Variants in TBCA observed in about 807,000 individuals in gnomAD.
TBCA encodes tubulin-specific chaperone A.
A neutral mutation model predicts 15.8 loss-of-function variants in TBCA; 6 were observed. The ratio of observed to expected loss-of-function variants is 0.38; its 90% CI spans 0.21 to 0.75. The LOEUF (loss-of-function observed/expected upper bound fraction) is 0.75. TBCA is among the 30% of genes least tolerant of loss of function. The pLI, the probability that TBCA is intolerant of heterozygous loss-of-function variation, is 0.46. For missense variants in TBCA, 90 were observed against 131.2 expected, an observed-to-expected ratio of 0.69 and a Z score of 1.53; for synonymous variants, 32 against 42.3, an observed-to-expected ratio of 0.76 and a Z score of 0.94.
chr5:77,776,189 G>T lies in TBCA; in HGVS notation c.53+16C>A. On this transcript the variant is annotated intron_variant, in intron 1 of 3. Transcript: ENST00000380377. ...TGACGAAGAGGAGGTGCAGGGCGCC[G>T]CTCCCGGCTCCTTACCGCTTCACCA... 1 of 1,556,810 alleles carries T rather than the reference G, an allele frequency of 6.4e-7. No individual in the cohort carries two copies. The highest frequency in any genetic ancestry group is 1.2e-5 in the South Asian group (1 of 84,390).
chr5:77,697,523 C>T (rs1745898819), intron 2 of TBCA, among the ~76,000 whole-genome samples: 1 of 151,598 alleles, frequency 6.6e-6, no homozygotes, highest in Non-Finnish European at 1.5e-5. Context: ...TTTAAGTAGC[C>T]CATGGGCCAA....
At chr5:77,731,749 A>G (rs1377400179) in intron 1 of TBCA, among the ~76,000 whole-genome samples, 1 of 152,138 alleles carries the variant, frequency 6.6e-6, no homozygotes, top group African/African-American at 2.4e-5. Flanking sequence ...ATTTTATAAT[A>G]TCTATATAAT....
chr5:77,693,200 C>T (rs750730909), intron 3 of TBCA, 66 bp downstream of exon 3: 2 of 1,581,912 alleles, frequency 1.3e-6, no homozygotes, highest in African/African-American at 2.7e-5. Context: ...AATATTTAAA[C>T]TTTTGGCTTT....
intron 1 of TBCA, among the ~76,000 whole-genome samples, chr5:77,720,443 G>A (rs900062972): frequency 6.6e-6 from 1 of 152,224 alleles, no homozygotes; most frequent in African/African-American, 2.4e-5. Flanking sequence ...GCCAGGCGCG[G>A]TGGCTCTCGC....
chr5:77,727,213 GGAGACACA>G (rs1409487171), intron 1 of TBCA, among the ~76,000 whole-genome samples: 1 of 142,724 alleles, frequency 7.0e-6, no homozygotes, highest in African/African-American at 2.6e-5. Flanking sequence ...CTCCAACCTG[GGAGACACA>G]GTGAGACTCT....
chr5:77,726,116 T>TA (rs1345593351), intron 1 of TBCA, among the ~76,000 whole-genome samples: 3 of 152,192 alleles, frequency 2.0e-5, no homozygotes, highest in Non-Finnish European at 4.4e-5. Flanking sequence ...AAAACTAAAT[T>TA]ACTGTTGTCA....
chr5:77,774,968 A>C (rs1207472427), intron 1 of TBCA, among the ~76,000 whole-genome samples: 7 of 116,024 alleles, frequency 6.0e-5, no homozygotes, highest in Non-Finnish European at 9.1e-5. Flanking sequence ...TGAATAAGAT[A>C]GCTACAAAGA....
intron 2 of TBCA, among the ~76,000 whole-genome samples, chr5:77,701,965 C>T (rs1746029717): frequency 6.6e-6 from 1 of 151,688 alleles, no homozygotes; most frequent in East Asian, 1.9e-4. Flanking sequence ...TATGTTCTCA[C>T]TTATAAGTGG....
intron 1 of TBCA, among the ~76,000 whole-genome samples, chr5:77,720,309 T>C (rs1317962952): frequency 6.6e-6 from 1 of 152,178 alleles, no homozygotes; most frequent in Non-Finnish European, 1.5e-5. Context: ...AGTGAGACTA[T>C]ACAATTACTA....
At chr5:77,729,714 C>T (rs1488972246) in intron 1 of TBCA, among the ~76,000 whole-genome samples, 2 of 152,206 alleles carry the variant, frequency 1.3e-5, no homozygotes, top group East Asian at 3.8e-4. Flanking sequence ...TTCCTGTCCC[C>T]TGGACAGCAC....
intron 1 of TBCA, among the ~76,000 whole-genome samples, chr5:77,758,512 G>A (rs1336861205): frequency 6.6e-6 from 1 of 152,222 alleles, no homozygotes; most frequent in Non-Finnish European, 1.5e-5. Context: ...CACTCGGAGA[G>A]CTCGGATTTT....
chr5:77,712,615 G>A (rs1287850667), intron 1 of TBCA, among the ~76,000 whole-genome samples: 2 of 151,916 alleles, frequency 1.3e-5, no homozygotes, highest in Non-Finnish European at 2.9e-5. Context: ...AATCACTACA[G>A]ATTCAAAATA....
At chr5:77,706,174 G>A (rs17789844) in intron 2 of TBCA, among the ~76,000 whole-genome samples, 13,328 of 152,178 alleles carry the variant, frequency 0.088, 768 homozygotes, top group Non-Finnish European at 0.12. Flanking sequence ...ATTATGCCAC[G>A]ATTTACATGG....
intron 1 of TBCA, among the ~76,000 whole-genome samples, chr5:77,748,373 G>A (rs936181058): frequency 6.6e-6 from 1 of 151,234 alleles, no homozygotes; most frequent in African/African-American, 2.4e-5. Context: ...TGTGGAGAGA[G>A]AGATATGGAG....
At chr5:77,752,235 T>A (rs569760548) in intron 1 of TBCA, among the ~76,000 whole-genome samples, 1 of 152,350 alleles carries the variant, frequency 6.6e-6, no homozygotes, top group East Asian at 1.9e-4. Flanking sequence ...TTATACCATA[T>A]GGTTTAATAG....
intron 3 of TBCA, chr5:77,692,994 G>A (rs2112416947): frequency 7.2e-7 from 1 of 1,386,384 alleles, no homozygotes; most frequent in East Asian, 2.7e-5. Flanking sequence ...AGACATTGCT[G>A]GACAATACTG....
chr5:77,774,977 G>T (rs1451322267), intron 1 of TBCA, among the ~76,000 whole-genome samples: 1 of 44,462 alleles, frequency 2.2e-5, no homozygotes, highest in East Asian at 4.1e-4. Context: ...TAGCTACAAA[G>T]ATTAAAAAAA....
chr5:77,714,381 A>C (rs905832565), intron 1 of TBCA, among the ~76,000 whole-genome samples: 4 of 152,088 alleles, frequency 2.6e-5, no homozygotes, highest in African/African-American at 9.7e-5. Context: ...TCAAAAAGAG[A>C]ATAGGTCATC....
Position 77,721,690 on chromosome 5 carries a change from T to C in TBCA, c.54-13343A>G, listed in dbSNP as rs148716628. Among the ~76,000 whole-genome samples the C allele has an allele frequency of 3.8e-3, 585 of 152,232 alleles. 4 individuals are homozygous for C. The highest frequency in any genetic ancestry group is 0.012 in the African/African-American group (495 of 41,564). On this transcript the variant is annotated intron_variant, in intron 1 of 3. Coordinates refer to ENST00000380377, the MANE Select transcript of TBCA (RefSeq NM_004607.3). ...ATTACTTTTAAATAAAATTTGGTAA[T>C]AGTACTTGGCATAGAGCTGTACTTG...
Sources: gnomAD v4.1 joint callset for allele counts (sites outside exome capture counted in the v4.1 genomes callset) on GRCh38, gnomAD v4.1.1 for gene constraint, MANE v1.5 for transcripts, NCBI Gene and HGNC (gene_info 2026-07-23, HGNC 2026-07-21) for gene names.